Variants in ERMP1 observed in about 807,000 individuals in gnomAD.
The protein encoded by ERMP1 is Felix-ina.
Under a neutral mutation model 92.0 loss-of-function variants are expected in ERMP1, and 86 were observed. The observed-to-expected ratio is 0.93, with a 90% CI of 0.79 to 1.12. The LOEUF (loss-of-function observed/expected upper bound fraction) is 1.12, where lower values mean the gene tolerates loss of function less well. Ranked by LOEUF, ERMP1 falls within the 50% of genes most tolerant of loss-of-function variation. The pLI, the probability that ERMP1 is intolerant of heterozygous loss-of-function variation, is 0.00. For synonymous variants in ERMP1, 530 were observed against 412.8 expected (o/e 1.28, Z -3.44); for missense variants, 1,342 against 1,116.3 (o/e 1.20, Z -2.88).
chr9:5,822,593 G>C (rs1829582376), intron 4 of ERMP1, among the ~76,000 whole-genome samples: 1 of 152,142 alleles, frequency 6.6e-6, no homozygotes, highest in African/African-American at 2.4e-5. Context: ...TACAAAACAA[G>C]TTCCCACATC....
chr9:5,862,610 A>G (rs189754708), intron 5 of ERMP1, among the ~76,000 whole-genome samples: 2 of 152,134 alleles, frequency 1.3e-5, no homozygotes, highest in African/African-American at 4.8e-5. Flanking sequence ...GCCTCTTAAC[A>G]TGCTGGGATT....
At chr9:5,792,866 G>A (rs2131203487) in intron 13 of ERMP1, among the ~76,000 whole-genome samples, 1 of 152,228 alleles carries the variant, frequency 6.6e-6, no homozygotes, top group South Asian at 2.1e-4. Context: ...AATATACAAT[G>A]CTCAATTAAA....
intron 6 of ERMP1, among the ~76,000 whole-genome samples, chr9:5,850,440 A>G (rs941650057): frequency 6.7e-6 from 1 of 150,154 alleles, no homozygotes. Context: ...GAAGAAGAAG[A>G]AAAAAAGAAA....
Position 5,810,120 on chromosome 9 carries a change from T to C in ERMP1, c.1439A>G (p.Gln480Arg), listed in dbSNP as rs776477983. ...GAAGTGGTTATACCATGAGAGAGAC[T>C]GTCCAATAAGAGAGATGAACACTGC... ...IIAVFISLIGQSLSWYNHFYV... is the reference protein window; with the variant it reads ...IIAVFISLIGRSLSWYNHFYV... Residue 480 changes from glutamine (Q) to arginine (R), a missense_variant, in exon 8 of 15, where the codon CAG becomes CGG. Transcript: ENST00000339450. 4 of 1,613,800 alleles carry C rather than the reference T, an allele frequency of 2.5e-6. No individual in the cohort carries two copies. Among genetic ancestry groups the C allele is most frequent in the Non-Finnish European group, 3.4e-6 (4 of 1,179,790 alleles).
At chr9:5,830,637 G>A in intron 2 of ERMP1, 90 bp downstream of exon 2, 9 of 983,456 alleles carry the variant, frequency 9.2e-6, no homozygotes, top group Non-Finnish European at 1.4e-5. Context: ...CAAGAAAATG[G>A]TCCCCACAAT....
Position 5,811,268 on chromosome 9 carries a change from A to G in ERMP1, c.1170T>C (p.Ala390=), listed in dbSNP as rs1829080825. 5.0e-6 allele frequency: 8 copies of G among 1,614,094 alleles called. No individual in the cohort carries two copies. The highest frequency in any genetic ancestry group is 6.8e-6 in the Non-Finnish European group (8 of 1,179,988). ...KHLATSDMLA[A]ASKYRHGNMV... ...TGTTTCCATGTCGATACTTAGAAGCAGCAGCCAGCATATCAGATGTAGCTA... is the reference window on the plus strand; with the variant it reads ...TGTTTCCATGTCGATACTTAGAAGCGGCAGCCAGCATATCAGATGTAGCTA... The change falls in exon 7 of 15, where the codon GCT becomes GCC. Residue 390 remains alanine (A), a synonymous_variant. Transcript: ENST00000339450.
rs138752125 is a variant in ERMP1, at chr9:5,830,779, G to A, written c.588C>T (p.Ala196=). 1.5e-4 allele frequency: 247 copies of A among 1,613,918 alleles called. 1 individual carries two copies. Among genetic ancestry groups the A allele is most frequent in the Non-Finnish European group, 1.3e-5 (15 of 1,179,988 alleles). The change falls in exon 2 of 15, where the codon GCC becomes GCT. Residue 196 remains alanine (A), a synonymous_variant. Transcript: ENST00000339450. ...VVVKLEPRDG[A]QHAVLANCHF... The stretch of plus-strand genomic sequence containing the variant: ...GACAATTAGCCAAGACAGCATGCTG[G>A]GCTCCATCTCTGGGTTCCAGCTTTA...
Position 5,827,790 on chromosome 9 carries a change from G to A in ERMP1, c.641-2571C>T, listed in dbSNP as rs1000041524. On this transcript the variant is annotated intron_variant, in intron 2 of 14. Coordinates refer to ENST00000339450, the MANE Select transcript of ERMP1 (RefSeq NM_024896.3). ...AGAGATAGCGCCACTGCAGTCTGGC[G>A]TGGGCGAGAGCGAGACTCCGTCTCA... Among the ~76,000 whole-genome samples the A allele has an allele frequency of 1.0e-4, 15 of 150,080 alleles. No homozygotes were observed. In the East Asian group the frequency reaches 1.2e-3, roughly 12 times the overall value.
intron 6 of ERMP1, among the ~76,000 whole-genome samples, chr9:5,842,170 G>A (rs908316718): frequency 6.6e-6 from 1 of 152,146 alleles, no homozygotes; most frequent in Non-Finnish European, 1.5e-5. Context: ...TGCTGGCTGG[G>A]GTGGCCAGCT....
At position 5,830,397 on chromosome 9, in the gene ERMP1, A is replaced by C. The variant is rs570185693; in HGVS notation, c.640+330T>G. On this transcript the variant is annotated intron_variant, in intron 2 of 14. Transcript: ENST00000339450. ...ACCCAGCTGAGTAAAACACTTTCTA[A>C]GTGTCAGAACCTAACTCCAGGACAC... 2.6e-5 allele frequency among the ~76,000 whole-genome samples: 4 copies of C among 152,268 alleles called. No individual in the cohort carries two copies. The East Asian group carries it at 7.7e-4, about 29-fold the overall frequency.
intron 2 of ERMP1, among the ~76,000 whole-genome samples, chr9:5,826,973 A>C (rs1829751755): frequency 6.6e-6 from 1 of 152,238 alleles, no homozygotes; most frequent in Non-Finnish European, 1.5e-5. Context: ...TTAAGAGGAC[A>C]GTATCTATAA....
chr9:5,856,018 A>G, intron 6 of ERMP1: 1 of 341,198 alleles, frequency 2.9e-6, no homozygotes, highest in Non-Finnish European at 5.9e-6. Flanking sequence ...CATGTACACC[A>G]GGTGGATTGA....
At chr9:5,821,067 TG>T (rs1295454966) in intron 4 of ERMP1, among the ~76,000 whole-genome samples, 1 of 152,234 alleles carries the variant, frequency 6.6e-6, no homozygotes, top group African/African-American at 2.4e-5. Flanking sequence ...ATCTTTTGTA[TG>T]ACACCCCTCC....
intron 2 of ERMP1, among the ~76,000 whole-genome samples, chr9:5,827,490 C>T (rs1268682788): frequency 1.3e-5 from 2 of 152,258 alleles, no homozygotes; most frequent in Non-Finnish European, 2.9e-5. Flanking sequence ...GTGTGAAACA[C>T]TATTTTTAAC....
chr9:5,802,938 C>A (rs935562574), intron 10 of ERMP1, among the ~76,000 whole-genome samples: 4 of 152,108 alleles, frequency 2.6e-5, no homozygotes, highest in African/African-American at 9.7e-5. Context: ...AAGGCCGAGG[C>A]ACGAGAATTG....
chr9:5,832,716 G>A lies in ERMP1; in HGVS notation c.312C>T (p.Arg104=), dbSNP rs2129705597. ...TGGCTTGGAGCGCGTCGAACTCCCC[G>A]CGGTGTCCAGCGGCCCCGCGTAGCA... ...QLVLRGAAGH[R]GEFDALQARD... Residue 104 remains arginine, a synonymous_variant, in exon 1 of 15, where the codon CGC becomes CGT. Coordinates refer to ENST00000339450, the MANE Select transcript of ERMP1 (RefSeq NM_024896.3). The A allele has an allele frequency of 6.7e-7, 1 of 1,487,160 alleles. No homozygotes were observed. The highest frequency in any genetic ancestry group is 1.3e-5 in the South Asian group (1 of 78,644). 92.1% of individuals were successfully genotyped at this position (1,487,160 alleles called of 1,614,324 possible). A position where few individuals can be genotyped will look rare whatever the true frequency, so the allele number is the denominator to read the frequency against.
chr9:5,840,539 C>T (rs1369389509), intron 6 of ERMP1, among the ~76,000 whole-genome samples: 1 of 152,220 alleles, frequency 6.6e-6, no homozygotes, highest in Non-Finnish European at 1.5e-5. Context: ...TCCCCGGCCC[C>T]CAGGGCCAGA....
intron 6 of ERMP1, among the ~76,000 whole-genome samples, chr9:5,811,821 A>C (rs1829107911): frequency 6.6e-6 from 1 of 152,234 alleles, no homozygotes; most frequent in Non-Finnish European, 1.5e-5. Flanking sequence ...GAGGAGAGCT[A>C]GCAGAGTTCC....
At chr9:5,797,230 C>T (rs563660468) in intron 13 of ERMP1, among the ~76,000 whole-genome samples, 29 of 151,560 alleles carry the variant, frequency 1.9e-4, no homozygotes, top group Admixed American at 7.2e-4. Flanking sequence ...TTTGTAGAGA[C>T]GGGATGTCAC....
Sources: gnomAD v4.1 joint callset for allele counts (sites outside exome capture counted in the v4.1 genomes callset) on GRCh38, gnomAD v4.1.1 for gene constraint, MANE v1.5 for transcripts, NCBI Gene and HGNC (gene_info 2026-07-23, HGNC 2026-07-21) for gene names.